TYR: variants seen among roughly 807,000 people sequenced by gnomAD.
The protein encoded by TYR is LB24-AB.
In TYR, 58 loss-of-function variants were observed where a neutral mutation model predicts 51.5. The observed-to-expected ratio is 1.13, with a 90% confidence interval of 0.91 to 1.40. The LOEUF (loss-of-function observed/expected upper bound fraction) is 1.40. Ranked by LOEUF, TYR falls within the 40% of genes most tolerant of loss-of-function variation. The probability of loss-of-function intolerance (pLI) is 0.00; values close to 1 mark genes in which losing one functional copy is unlikely to be tolerated. For synonymous variants in TYR, 263 were observed against 235.2 expected (o/e 1.12, Z -1.08); for missense variants, 732 against 647.4 (o/e 1.13, Z -1.42).
chr11:89,179,752 G>A (rs1307804998), intron 1 of TYR, among the ~76,000 whole-genome samples: 2 of 152,120 alleles, frequency 1.3e-5, no homozygotes. Flanking sequence ...TTACTATTTG[G>A]AATTGAATTC....
intron 1 of TYR, 131 bp from the exon 2 acceptor site, chr11:89,191,071 A>G: frequency 1.3e-6 from 1 of 792,790 alleles, no homozygotes; most frequent in African/African-American, 1.7e-5. Context: ...CCCTGTCATT[A>G]AAGACACATG....
At chr11:89,259,787 A>G (rs1174218611) in intron 3 of TYR, among the ~76,000 whole-genome samples, 2 of 152,096 alleles carry the variant, frequency 1.3e-5, no homozygotes, top group Admixed American at 6.6e-5. Flanking sequence ...ACAATCATCA[A>G]TGCATAATGA....
intron 3 of TYR, among the ~76,000 whole-genome samples, chr11:89,262,658 G>A (rs1173413500): frequency 1.4e-5 from 2 of 141,566 alleles, no homozygotes; most frequent in Non-Finnish European, 1.5e-5. Flanking sequence ...ATGAAAGAGG[G>A]GACATTACTA....
At chr11:89,285,638 AG>A (rs1944777019) in intron 4 of TYR, among the ~76,000 whole-genome samples, 1 of 151,810 alleles carries the variant, frequency 6.6e-6, no homozygotes, top group Non-Finnish European at 1.5e-5. Context: ...TCTACCTGAA[AG>A]TCCACTACAT....
At chr11:89,182,360 T>A (rs1325570148) in intron 1 of TYR, among the ~76,000 whole-genome samples, 1 of 152,186 alleles carries the variant, frequency 6.6e-6, no homozygotes, top group Non-Finnish European at 1.5e-5. Flanking sequence ...AGTTTTTTTA[T>A]AGCACTGGAT....
intron 3 of TYR, 97 bp downstream of exon 3, chr11:89,228,067 T>A: frequency 6.8e-7 from 1 of 1,474,052 alleles, no homozygotes; most frequent in East Asian, 2.3e-5. Flanking sequence ...AGCTAAGAAG[T>A]TATGGTAGTC....
chr11:89,180,482 C>T (rs1013386871), intron 1 of TYR, among the ~76,000 whole-genome samples: 1 of 151,726 alleles, frequency 6.6e-6, no homozygotes, highest in Non-Finnish European at 1.5e-5. Context: ...TTCCTAATTA[C>T]TTATTAATTG....
At chr11:89,270,308 C>T (rs1275139983) in intron 3 of TYR, among the ~76,000 whole-genome samples, 2 of 151,816 alleles carry the variant, frequency 1.3e-5, no homozygotes, top group Non-Finnish European at 2.9e-5. Flanking sequence ...AACTTAAGTT[C>T]AAGTGTCACC....
At chr11:89,274,477 G>T (rs1056071670) in intron 3 of TYR, among the ~76,000 whole-genome samples, 1 of 151,844 alleles carries the variant, frequency 6.6e-6, no homozygotes, top group Non-Finnish European at 1.5e-5. Context: ...AATGGCTTCT[G>T]CTCTGTGCAA....
intron 3 of TYR, among the ~76,000 whole-genome samples, chr11:89,257,049 T>C (rs910529696): frequency 6.6e-6 from 1 of 151,984 alleles, no homozygotes; most frequent in African/African-American, 2.4e-5. Flanking sequence ...AGCTAGAAGC[T>C]AGACTCTACT....
intron 3 of TYR, among the ~76,000 whole-genome samples, chr11:89,245,719 A>G (rs371104945): frequency 1.4e-4 from 22 of 152,144 alleles, no homozygotes; most frequent in Non-Finnish European, 2.1e-4. Flanking sequence ...TCAGGAGATC[A>G]AGACCATCCT....
intron 3 of TYR, among the ~76,000 whole-genome samples, chr11:89,231,496 G>A (rs1164845957): frequency 7.0e-6 from 1 of 142,744 alleles, no homozygotes; most frequent in African/African-American, 2.8e-5. Flanking sequence ...GCAACAACAC[G>A]GATGAACCTG....
chr11:89,232,960 T>C (rs1408011366), intron 3 of TYR, among the ~76,000 whole-genome samples: 1 of 142,830 alleles, frequency 7.0e-6, no homozygotes, highest in Non-Finnish European at 1.5e-5. Flanking sequence ...GGAGCAATTT[T>C]TTAAAATAAG....
intron 2 of TYR, among the ~76,000 whole-genome samples, chr11:89,202,624 C>CACACACACACAAACACACAT (rs1470842897): frequency 6.7e-6 from 1 of 149,818 alleles, no homozygotes; most frequent in Non-Finnish European, 1.5e-5. Context: ...TTTCATAATA[C>CACACACACACAAACACACAT]ACACACACAC....
chr11:89,210,481 A>G (rs1014986731), intron 2 of TYR, among the ~76,000 whole-genome samples: 3 of 152,192 alleles, frequency 2.0e-5, no homozygotes, highest in Non-Finnish European at 4.4e-5. Flanking sequence ...AAAAGACCAA[A>G]CCTACATTTG....
At chr11:89,207,220 T>A (rs1943684054) in intron 2 of TYR, among the ~76,000 whole-genome samples, 1 of 152,016 alleles carries the variant, frequency 6.6e-6, no homozygotes, top group African/African-American at 2.4e-5. Flanking sequence ...AATTGACGAA[T>A]TAGCAAGATT....
intron 3 of TYR, among the ~76,000 whole-genome samples, chr11:89,272,864 C>T (rs536033670): frequency 3.3e-5 from 5 of 152,016 alleles, no homozygotes; most frequent in African/African-American, 1.2e-4. Flanking sequence ...AACTCTTGAA[C>T]AACTGCCAGA....
At chr11:89,199,169 A>T (rs146561700) in intron 2 of TYR, among the ~76,000 whole-genome samples, 3,442 of 152,194 alleles carry the variant, frequency 0.023, 122 homozygotes, top group African/African-American at 0.077. Context: ...ATTGTTGTAC[A>T]TTTGGGTTGG....
intron 3 of TYR, among the ~76,000 whole-genome samples, chr11:89,255,480 G>A (rs1453273276): frequency 2.6e-5 from 4 of 151,572 alleles, no homozygotes; most frequent in African/African-American, 7.3e-5. Context: ...TATTTAATTG[G>A]CAATATTCCT....
Sources: gnomAD v4.1 joint callset for allele counts (sites outside exome capture counted in the v4.1 genomes callset) on GRCh38, gnomAD v4.1.1 for gene constraint, MANE v1.5 for transcripts, NCBI Gene and HGNC (gene_info 2026-07-23, HGNC 2026-07-21) for gene names.